TRAF3: variants seen among roughly 807,000 people sequenced by gnomAD.
TRAF3 encodes the protein TNF receptor-associated factor 3.
TRAF3 carries 13 observed loss-of-function variants against 62.3 expected under a neutral mutation model. The ratio of observed to expected loss-of-function variants is 0.21; its 90% CI spans 0.14 to 0.33. The LOEUF (loss-of-function observed/expected upper bound fraction) is 0.33, where lower values mean the gene tolerates loss of function less well. Among genes scored for constraint, TRAF3 ranks in the 10% least tolerant of loss-of-function variants. The probability of loss-of-function intolerance (pLI) is 1.00; values close to 1 mark genes in which losing one functional copy is unlikely to be tolerated. For synonymous variants in TRAF3, 269 were observed against 283.4 expected (o/e 0.95, Z 0.51); for missense variants, 440 against 741.8 (o/e 0.59, Z 4.73).
rs56998347 is a variant in TRAF3, at chr14:102,839,210, C to CTTTTTT, written c.-18+8761_-18+8766dup. On this transcript the variant is annotated intron_variant, in intron 2 of 11. Transcript: ENST00000392745. ...GAGAGATGCTTATTGGTTGATTTGC[C>CTTTTTT]TTTTTTTTTTTTTTTTTTTTTTTTT... Among the ~76,000 whole-genome samples the CTTTTTT allele has an allele frequency of 1.9e-3, 170 of 89,816 alleles. 17 individuals carry two copies. Among genetic ancestry groups the CTTTTTT allele is most frequent in the African/African-American group, 6.6e-3 (150 of 22,578 alleles). 58.9% of individuals were successfully genotyped at this position (89,816 alleles called of 152,430 possible).
intron 1 of TRAF3, among the ~76,000 whole-genome samples, chr14:102,786,657 A>C (rs964344952): frequency 3.9e-5 from 6 of 151,960 alleles, no homozygotes; most frequent in Non-Finnish European, 5.9e-5. Flanking sequence ...ATTGCACTCC[A>C]CCCTGGGCAA....
At chr14:102,895,659 G>T (rs1045882885) in intron 9 of TRAF3, among the ~76,000 whole-genome samples, 1 of 152,212 alleles carries the variant, frequency 6.6e-6, no homozygotes, top group Admixed American at 6.5e-5. Context: ...ATAGATGGGG[G>T]ATCAAGATGC....
intron 2 of TRAF3, among the ~76,000 whole-genome samples, chr14:102,868,045 G>A (rs1483704291): frequency 6.6e-6 from 1 of 152,146 alleles, no homozygotes; most frequent in East Asian, 1.9e-4. Flanking sequence ...CGGAAGCAAG[G>A]GCTCCGCCCG....
At chr14:102,801,889 G>A (rs535547585) in intron 1 of TRAF3, among the ~76,000 whole-genome samples, 280 of 150,732 alleles carry the variant, frequency 1.9e-3, no homozygotes, top group African/African-American at 4.4e-3. Context: ...GGTGGCGGGC[G>A]CCTGTAGTCC....
At chr14:102,886,513 T>C (rs576789234) in intron 7 of TRAF3, among the ~76,000 whole-genome samples, 10 of 152,176 alleles carry the variant, frequency 6.6e-5, no homozygotes, top group African/African-American at 2.2e-4. Flanking sequence ...CCCAGCACTT[T>C]TGGAGGCCTA....
chr14:102,803,337 C>T (rs1040976234), intron 1 of TRAF3, among the ~76,000 whole-genome samples: 2 of 152,016 alleles, frequency 1.3e-5, no homozygotes, highest in African/African-American at 4.8e-5. Flanking sequence ...AAGGAGGCAG[C>T]GTGAGGTGGG....
chr14:102,790,953 G>C (rs2139410686), intron 1 of TRAF3, among the ~76,000 whole-genome samples: 1 of 151,808 alleles, frequency 6.6e-6, no homozygotes, highest in Middle Eastern at 3.5e-3. Flanking sequence ...TCTGTAGATT[G>C]CTTTGGGGGG....
At chr14:102,797,766 T>G (rs1026235663) in intron 1 of TRAF3, among the ~76,000 whole-genome samples, 5 of 151,952 alleles carry the variant, frequency 3.3e-5, no homozygotes, top group Admixed American at 6.6e-5. Context: ...GATGTAGTTT[T>G]GCTCTTGTCA....
chr14:102,825,122 C>T (rs1900222005), intron 1 of TRAF3, among the ~76,000 whole-genome samples: 1 of 152,238 alleles, frequency 6.6e-6, no homozygotes, highest in Admixed American at 6.5e-5. Flanking sequence ...CCTTTCTGCT[C>T]TGCCCACGCT....
chr14:102,827,039 G>A (rs1162320052), intron 1 of TRAF3, among the ~76,000 whole-genome samples: 1 of 152,198 alleles, frequency 6.6e-6, no homozygotes, highest in East Asian at 1.9e-4. Flanking sequence ...GGCGTGCAAG[G>A]TCCCCTTGCA....
intron 2 of TRAF3, among the ~76,000 whole-genome samples, chr14:102,834,214 A>G (rs1339423598): frequency 3.3e-5 from 5 of 152,306 alleles, no homozygotes; most frequent in African/African-American, 1.2e-4. Context: ...CTACATGGCT[A>G]CAGCAACCTA....
intron 2 of TRAF3, among the ~76,000 whole-genome samples, chr14:102,866,248 GA>G (rs1162939961): frequency 6.6e-6 from 1 of 152,130 alleles, no homozygotes; most frequent in East Asian, 1.9e-4. Context: ...TGGACACAGG[GA>G]GGGGAACATC....
At chr14:102,811,409 A>G (rs1423742129) in intron 1 of TRAF3, among the ~76,000 whole-genome samples, 1 of 151,510 alleles carries the variant, frequency 6.6e-6, no homozygotes, top group Non-Finnish European at 1.5e-5. Context: ...CACTGCAGCC[A>G]TGAAGTCCTG....
rs201700309 is a variant in TRAF3, at chr14:102,907,402, TCA to T, written c.*1619_*1620del. ...TTCTCAACTCACTGTTTACTGTCTC[TCA>T]GTGTCCAACTGTGATTAGAAGCCTG... is the stretch of plus-strand genomic sequence containing the variant. On this transcript the variant is annotated 3_prime_UTR_variant, in exon 12 of 12. Transcript: ENST00000392745. 0.018 allele frequency: 2,733 copies of T among 152,540 alleles called. 30 individuals carry two copies. The highest frequency in any genetic ancestry group is 0.02 in the African/African-American group (816 of 41,588). 9.4% of individuals were successfully genotyped at this position (152,540 alleles called of 1,614,324 possible).
rs1830487917 is a variant in TRAF3 at position 102,903,987 on chromosome 14, G to A, written c.1135+558G>A. 1 of 364,258 alleles carries A rather than the reference G, an allele frequency of 2.7e-6. No homozygotes were observed. The highest frequency in any genetic ancestry group is 2.1e-5 in the African/African-American group (1 of 46,982). 22.6% of individuals were successfully genotyped at this position (364,258 alleles called of 1,614,324 possible). A position where few individuals can be genotyped will look rare whatever the true frequency, so the allele number is the denominator to read the frequency against. On this transcript the variant is annotated intron_variant, in intron 11 of 11. Coordinates refer to ENST00000392745, the MANE Select transcript of TRAF3 (RefSeq NM_145725.3). The surrounding 1 kb of genome is among the most constrained non-coding windows in gnomAD (Gnocchi z 6.4). ...CCGGATGAAGCAGGCAGAGAATGAG[G>A]TTGGAGGAGAGGGGAGCAGCTTCGC...
intron 9 of TRAF3, among the ~76,000 whole-genome samples, chr14:102,895,641 A>G (rs1294804544): frequency 6.6e-6 from 1 of 152,186 alleles, no homozygotes; most frequent in Non-Finnish European, 1.5e-5. Context: ...AGACAGAGAC[A>G]CTCGTTAATA....
At chr14:102,791,954 A>G (rs1897814029) in intron 1 of TRAF3, among the ~76,000 whole-genome samples, 1 of 151,128 alleles carries the variant, frequency 6.6e-6, no homozygotes. Context: ...GTGGGACCAA[A>G]GGCACATGCC....
At chr14:102,866,008 G>A (rs1415343184) in intron 2 of TRAF3, 2 of 152,126 alleles carry the variant, frequency 1.3e-5, no homozygotes, top group Non-Finnish European at 2.9e-5. Flanking sequence ...ATTTACAATA[G>A]CAAAGACTTG....
At chr14:102,892,356 C>T (rs1889771410) in intron 9 of TRAF3, among the ~76,000 whole-genome samples, 1 of 152,212 alleles carries the variant, frequency 6.6e-6, no homozygotes, top group Admixed American at 6.5e-5. Flanking sequence ...CCACGCCCAG[C>T]CTCCATGCTG....
Sources: gnomAD v4.1 joint callset for allele counts (sites outside exome capture counted in the v4.1 genomes callset) on GRCh38, gnomAD v4.1.1 for gene constraint, Gnocchi (gnomAD v3.1) non-coding constraint, MANE v1.5 for transcripts, NCBI Gene and HGNC (gene_info 2026-07-23, HGNC 2026-07-21) for gene names.